LAMA3: variants seen among roughly 807,000 people sequenced by gnomAD.
The protein encoded by LAMA3 is laminin subunit alpha 3, also known as laminin subunit alpha-3.
A neutral mutation model predicts 402.0 loss-of-function variants in LAMA3; 281 were observed. The ratio of observed to expected loss-of-function variants is 0.70; its 90% CI spans 0.63 to 0.77. The LOEUF is 0.77. LAMA3 is among the 30% of genes least tolerant of loss of function. LAMA3 has a pLI of 0.00. For synonymous variants in LAMA3, 1,431 were observed against 1,558.4 expected, an observed-to-expected ratio of 0.92 and a Z score of 1.93; for missense variants, 3,840 against 4,215.5, an observed-to-expected ratio of 0.91 and a Z score of 2.47.
intron 29 of LAMA3, among the ~76,000 whole-genome samples, chr18:23,844,382 T>C (rs895436291): frequency 6.6e-6 from 1 of 152,198 alleles, no homozygotes; most frequent in African/African-American, 2.4e-5. Flanking sequence ...TGTTTCCCTT[T>C]AAAAATACAA....
chr18:23,858,754 T>C lies in LAMA3; in HGVS notation c.4347T>C (p.Asn1449=). ...GCTCATTCCATTTGGACCCAGCCAATCTCAAGGGTTGTACCAGCTGTTTCT... is the reference window on the plus strand; with the variant it reads ...GCTCATTCCATTTGGACCCAGCCAACCTCAAGGGTTGTACCAGCTGTTTCT... ...REGSFHLDPA[N]LKGCTSCFCF... Residue 1449 remains asparagine (N), a synonymous_variant, in exon 34 of 75, where the codon AAT becomes AAC. Coordinates refer to ENST00000313654, the MANE Select transcript of LAMA3 (RefSeq NM_198129.4). 6.2e-7 allele frequency: 1 copy of C among 1,614,118 alleles called. No individual in the cohort carries two copies. The highest frequency in any genetic ancestry group is 8.5e-7 in the Non-Finnish European group (1 of 1,179,948).
intron 2 of LAMA3, among the ~76,000 whole-genome samples, chr18:23,729,354 A>G (rs2061353450): frequency 6.6e-6 from 1 of 152,188 alleles, no homozygotes; most frequent in Non-Finnish European, 1.5e-5. Context: ...CTATTCTCAT[A>G]TGTCCCTCAT....
chr18:23,867,552 C>CAA (rs60964764), intron 36 of LAMA3, among the ~76,000 whole-genome samples: 43 of 96,336 alleles, frequency 4.5e-4, no homozygotes, highest in Middle Eastern at 5.3e-3. Flanking sequence ...CCATCCCTGC[C>CAA]AAAAAAAAAA....
chr18:23,895,082 AGACACGT>A (rs1241134247), intron 44 of LAMA3, 24 bp downstream of exon 44: 2 of 1,569,782 alleles, frequency 1.3e-6, no homozygotes, highest in Middle Eastern at 3.3e-4. Flanking sequence ...GGCCGAGAGT[AGACACGT>A]GGGGAGGAGA....
chr18:23,812,647 C>T (rs1444588859), intron 13 of LAMA3, among the ~76,000 whole-genome samples: 1 of 152,152 alleles, frequency 6.6e-6, no homozygotes, highest in Non-Finnish European at 1.5e-5. Flanking sequence ...CGGGTGGGAA[C>T]AAGGAGGTGT....
rs2063425852 is a variant in LAMA3, at chr18:23,828,376, T to A, written c.2823+909T>A. ...TGAATTTTCATGCTACGAAATAATA[T>A]TTACTTGTAACAAGTAAAACAATAT... On this transcript the variant is annotated intron_variant, in intron 23 of 74. Transcript: ENST00000313654. 2.0e-5 allele frequency among the ~76,000 whole-genome samples: 3 copies of A among 152,200 alleles called. No homozygotes were observed. The South Asian group carries it at 6.2e-4, about 32-fold the overall frequency.
chr18:23,951,898 C>T (rs1474110363), intron 73 of LAMA3, 121 bp downstream of exon 73: 7 of 751,010 alleles, frequency 9.3e-6, no homozygotes, highest in Middle Eastern at 2.3e-4. Flanking sequence ...GGCCAGCCCC[C>T]GAGGCTAACG....
At chr18:23,732,527 G>A (rs2061410415) in intron 2 of LAMA3, among the ~76,000 whole-genome samples, 1 of 152,136 alleles carries the variant, frequency 6.6e-6, no homozygotes, top group South Asian at 2.1e-4. Context: ...AAATCAGTCT[G>A]TGCAGCAATC....
At position 23,928,775 on chromosome 18, in the gene LAMA3, A is replaced by T; in HGVS notation, c.8436+10A>T. ...AGATCATCAGACATGGGTATGCAGT[A>T]GTGCATTAATATCAAACAAGATTTA... On this transcript the variant is annotated intron_variant, in intron 64 of 74. Transcript: ENST00000313654. The T allele has an allele frequency of 6.2e-7, 1 of 1,611,438 alleles. No individual in the cohort carries two copies. Among genetic ancestry groups the T allele is most frequent in the South Asian group, 1.1e-5 (1 of 91,024 alleles).
chr18:23,906,100 A>G (rs575039663), intron 52 of LAMA3, among the ~76,000 whole-genome samples: 1 of 152,320 alleles, frequency 6.6e-6, no homozygotes, highest in East Asian at 1.9e-4. Context: ...TTTATTTATC[A>G]ATTTCATGTA....
At chr18:23,843,840 C>G (rs2063757509) in intron 29 of LAMA3, among the ~76,000 whole-genome samples, 1 of 152,212 alleles carries the variant, frequency 6.6e-6, no homozygotes, top group Non-Finnish European at 1.5e-5. Flanking sequence ...TTCTCAAACC[C>G]CCAGATATGC....
At chr18:23,695,125 G>A (rs1481241238) in intron 1 of LAMA3, among the ~76,000 whole-genome samples, 1 of 152,204 alleles carries the variant, frequency 6.6e-6, no homozygotes, top group Admixed American at 6.5e-5. Context: ...TGGACTCCCA[G>A]AAGCTGGAAG....
In LAMA3 at chr18:23,756,625, T is replaced by C. The variant is rs370200875; in HGVS notation, c.948-1771T>C. Among the ~76,000 whole-genome samples the C allele has an allele frequency of 4.8e-4, 73 of 152,280 alleles. No individual in the cohort carries two copies. The East Asian group carries it at 0.012, about 26-fold the overall frequency. On this transcript the variant is annotated intron_variant, in intron 6 of 74. Transcript: ENST00000313654. ...GTGAGTTTATCTCTGAGCACCAGTA[T>C]CGTCATCTGCAAAGTGGGGCAAGTT...
chr18:23,903,886 A>G (rs1240503408), intron 49 of LAMA3, 47 bp from the exon 50 acceptor site: 3 of 1,496,882 alleles, frequency 2.0e-6, no homozygotes, highest in East Asian at 2.3e-5. Context: ...CAGCACCTAC[A>G]TTCTTTCCTT....
chr18:23,740,963 T>C (rs1313628761), intron 2 of LAMA3, among the ~76,000 whole-genome samples: 2 of 151,786 alleles, frequency 1.3e-5, no homozygotes. Context: ...ACACTTTTTT[T>C]TTTTTTTTGA....
At chr18:23,702,296 C>T (rs1031324793) in intron 1 of LAMA3, among the ~76,000 whole-genome samples, 11 of 152,140 alleles carry the variant, frequency 7.2e-5, no homozygotes, top group African/African-American at 2.2e-4. Context: ...AGAAGACTAA[C>T]GGCAAGCATC....
At chr18:23,872,923 G>A in intron 38 of LAMA3, 1 of 1,265,328 alleles carries the variant, frequency 7.9e-7, no homozygotes, top group Non-Finnish European at 1.1e-6. Context: ...TAAAGGTGGG[G>A]CCCCTGCCGC....
At chr18:23,841,712 C>T (rs549950908) in intron 27 of LAMA3, among the ~76,000 whole-genome samples, 1 of 152,126 alleles carries the variant, frequency 6.6e-6, no homozygotes, top group African/African-American at 2.4e-5. Context: ...TGCTTGAGAC[C>T]GTGAGCTTAA....
At chr18:23,712,800 C>T (rs533924099) in intron 1 of LAMA3, among the ~76,000 whole-genome samples, 7 of 151,422 alleles carry the variant, frequency 4.6e-5, no homozygotes, top group Admixed American at 3.3e-4. Flanking sequence ...AGAGCTACCT[C>T]TTTGTCACAG....
Sources: gnomAD v4.1 joint callset for allele counts (sites outside exome capture counted in the v4.1 genomes callset) on GRCh38, gnomAD v4.1.1 for gene constraint, MANE v1.5 for transcripts, NCBI Gene and HGNC (gene_info 2026-07-23, HGNC 2026-07-21) for gene names.